Variants in ACAD10 observed in about 807,000 individuals in gnomAD.
ACAD10 encodes the protein acyl-CoA dehydrogenase family member 10.
ACAD10 carries 112 observed loss-of-function variants against 116.8 expected under a neutral mutation model. The ratio of observed to expected loss-of-function variants is 0.96; its 90% CI spans 0.82 to 1.12. The LOEUF is 1.12. Among genes scored for constraint, ACAD10 ranks in the 50% most tolerant of loss-of-function variants. The pLI is 0.00. For synonymous variants in ACAD10, 486 were observed against 510.6 expected, an observed-to-expected ratio of 0.95 and a Z score of 0.65; for missense variants, 1,259 against 1,350.2, an observed-to-expected ratio of 0.93 and a Z score of 1.06.
intron 9 of ACAD10, among the ~76,000 whole-genome samples, chr12:111,728,603 G>C (rs866164314): frequency 7.2e-5 from 11 of 152,150 alleles, no homozygotes; most frequent in Middle Eastern, 6.8e-3. Flanking sequence ...AAACTTCTGG[G>C]CTCAAGCCAT....
intron 10 of ACAD10, among the ~76,000 whole-genome samples, chr12:111,733,255 G>A (rs879666257): frequency 6.6e-6 from 1 of 152,076 alleles, no homozygotes; most frequent in Non-Finnish European, 1.5e-5. Context: ...GCACTACCAC[G>A]CTCAGCTAAT....
chr12:111,756,372 G>C lies in ACAD10; in HGVS notation c.3079G>C (p.Ala1027Pro). 1 of 1,611,342 alleles carries C rather than the reference G, an allele frequency of 6.2e-7. No homozygotes were observed. Among genetic ancestry groups the C allele is most frequent in the South Asian group, 1.1e-5 (1 of 90,748 alleles). ...AAGLSSDYPL[A>P]QFFTWARALR... ...AGGCCTGAGCAGCGACTACCCACTG[G>C]CTCAGTTCTTCACCTGGGCCCGAGC... Residue 1027 changes from alanine (A) to proline (P), a missense_variant, in exon 21 of 21, where the codon GCT (alanine) becomes CCT (proline). Ala to Pro is a conservative substitution (Grantham distance 27). Transcript: ENST00000313698.
Position 111,756,341 on chromosome 12 carries a change from A to T in ACAD10, c.3048A>T (p.Gly1016=). ...CACTCTGTGTCTGCCAGGCCTTTGG[A>T]GCAGCAGGCCTGAGCAGCGACTACC... The part of the protein sequence containing the change: ...RVIDRAIQAF[G]AAGLSSDYPL... The change falls in exon 21 of 21, where the codon GGA becomes GGT. Residue 1016 remains glycine (G), a synonymous_variant. Coordinates refer to ENST00000313698, the MANE Select transcript of ACAD10 (RefSeq NM_025247.6). The T allele has an allele frequency of 1.2e-6, 2 of 1,601,372 alleles. No homozygotes were observed. Among genetic ancestry groups the T allele is most frequent in the South Asian group, 1.1e-5 (1 of 90,056 alleles).
chr12:111,720,461 G>A (rs1018920403), intron 7 of ACAD10, among the ~76,000 whole-genome samples: 9 of 151,808 alleles, frequency 5.9e-5, no homozygotes, highest in Non-Finnish European at 8.8e-5. Context: ...GATATATTTC[G>A]AAGCTCTGTT....
intron 12 of ACAD10, among the ~76,000 whole-genome samples, chr12:111,738,821 A>C (rs1889649017): frequency 6.6e-6 from 1 of 152,152 alleles, no homozygotes; most frequent in East Asian, 1.9e-4. Context: ...CAGTGAGCTG[A>C]GATCGCGCCT....
chr12:111,707,334 G>A (rs774079941), intron 4 of ACAD10, among the ~76,000 whole-genome samples: 10 of 151,170 alleles, frequency 6.6e-5, no homozygotes, highest in Non-Finnish European at 1.3e-4. Flanking sequence ...GACCTCAAGT[G>A]ACCAACCCAC....
chr12:111,712,486 C>G lies in ACAD10; in HGVS notation c.691-12C>G, dbSNP rs779817227. 6.2e-7 allele frequency: 1 copy of G among 1,609,102 alleles called. No homozygotes were observed. Among genetic ancestry groups the G allele is most frequent in the Non-Finnish European group, 8.5e-7 (1 of 1,177,948 alleles). On this transcript the variant is annotated splice_polypyrimidine_tract_variant and intron_variant, in intron 5 of 20. Coordinates refer to ENST00000313698, the MANE Select transcript of ACAD10 (RefSeq NM_025247.6). ...CAAAAAATATACATCTACATATTCT[C>G]TCTGAAACCAGGTTAATGACCCAGA...
chr12:111,691,227 C>A (rs772627418), intron 1 of ACAD10: 1 of 151,622 alleles, frequency 6.6e-6, no homozygotes, highest in East Asian at 1.9e-4. Flanking sequence ...TTTTTTTTTC[C>A]TGAACCTTTT....
chr12:111,695,927 C>A (rs756537718), intron 2 of ACAD10, among the ~76,000 whole-genome samples: 1 of 151,364 alleles, frequency 6.6e-6, no homozygotes, highest in Non-Finnish European at 1.5e-5. Context: ...GCAGGGAGAA[C>A]CACTTGAACC....
At chr12:111,707,109 A>G (rs959201278) in intron 4 of ACAD10, among the ~76,000 whole-genome samples, 1 of 128,400 alleles carries the variant, frequency 7.8e-6, no homozygotes, top group African/African-American at 3.0e-5. Flanking sequence ...TTTTTCCTTG[A>G]GAGAAGGTCT....
chr12:111,752,095 C>T (rs1460349679), intron 18 of ACAD10, among the ~76,000 whole-genome samples: 1 of 147,700 alleles, frequency 6.8e-6, no homozygotes, highest in Non-Finnish European at 1.5e-5. Context: ...TGTGGTGGCA[C>T]ACATTTATAG....
chr12:111,721,727 G>A lies in ACAD10; in HGVS notation c.1049G>A (p.Cys350Tyr). The change falls in exon 8 of 21, where the codon TGT becomes TAT. Residue 350 changes from cysteine to tyrosine, a missense_variant. Coordinates refer to ENST00000313698, the MANE Select transcript of ACAD10 (RefSeq NM_025247.6). ...CCTGTCCCTAACGTTCTTGATCTCT[G>A]TGAAGATTCAAGGTAAAGTTCAGAT... ...GVPVPNVLDL[C>Y]EDSSVIGTPF... 1 of 1,597,320 alleles carries A rather than the reference G, an allele frequency of 6.3e-7. No homozygotes were observed. Among genetic ancestry groups the A allele is most frequent in the Non-Finnish European group, 8.6e-7 (1 of 1,167,526 alleles).
In ACAD10 at chr12:111,692,872, C is replaced by G; in HGVS notation, c.163C>G (p.Pro55Ala). ...VIFDMGGVLI[P>A]SPGRVAAEWE... Reference sequence around the variant, plus strand: ...TTTCGACATGGGCGGAGTTCTCATTCCTTCTCCAGGGAGAGTCGCTGCAGG... The same window carrying G: ...TTTCGACATGGGCGGAGTTCTCATTGCTTCTCCAGGGAGAGTCGCTGCAGG... The change falls in exon 2 of 21, where the codon CCT (proline) becomes GCT (alanine). Residue 55 changes from proline (P) to alanine (A), a missense_variant. Pro to Ala is a conservative substitution (Grantham distance 27). Transcript: ENST00000313698. The G allele has an allele frequency of 2.5e-6, 4 of 1,614,136 alleles. No individual in the cohort carries two copies. The highest frequency in any genetic ancestry group is 3.4e-6 in the Non-Finnish European group (4 of 1,180,000).
chr12:111,705,759 G>A lies in ACAD10; in HGVS notation c.358G>A (p.Asp120Asn). The change falls in exon 4 of 21, where the codon GAC (aspartate) becomes AAC (asparagine). Residue 120 changes from aspartate to asparagine, a missense_variant. Transcript: ENST00000313698. ...TTAGTTAAAGACCTCCGTGCCTGTG[G>A]ACTCATTTTTCTCTCTGTTGACCAG... is the stretch of plus-strand genomic sequence containing the variant. ...SEMLKTSVPV[D>N]SFFSLLTSER... The A allele has an allele frequency of 6.2e-7, 1 of 1,614,082 alleles. No individual in the cohort carries two copies. Among genetic ancestry groups the A allele is most frequent in the Non-Finnish European group, 8.5e-7 (1 of 1,180,016 alleles).
chr12:111,695,984 A>G (rs1183365361), intron 2 of ACAD10, among the ~76,000 whole-genome samples: 1 of 150,124 alleles, frequency 6.7e-6, no homozygotes, highest in Non-Finnish European at 1.5e-5. Context: ...ATTGCGCTGC[A>G]GCTTGGGAGA....
At position 111,686,169 on chromosome 12, in the gene ACAD10, A is replaced by T. The variant is rs1055408388; in HGVS notation, c.-84A>T. On this transcript the variant is annotated 5_prime_UTR_variant, in exon 1 of 21. Transcript: ENST00000313698. ...CAGGTTTTCGCACAGTCGCGAGTTA[A>T]CCTCTGCTTGCTCCAGAGGCCTCGT... is the stretch of plus-strand genomic sequence containing the variant. The T allele has an allele frequency of 6.4e-6, 1 of 155,630 alleles. No homozygotes were observed. Among genetic ancestry groups the T allele is most frequent in the African/African-American group, 2.4e-5 (1 of 41,540 alleles). The allele number at this position is 155,630 out of a possible 1,614,324, so 9.6% of individuals were successfully genotyped here.
intron 10 of ACAD10, among the ~76,000 whole-genome samples, chr12:111,732,086 A>C (rs984898605): frequency 1.5e-4 from 23 of 152,174 alleles, no homozygotes; most frequent in Non-Finnish European, 3.2e-4. Context: ...ATCTCAAAAA[A>C]CAACAAAAAA....
chr12:111,691,750 A>G (rs1888050408), intron 1 of ACAD10, among the ~76,000 whole-genome samples: 1 of 150,816 alleles, frequency 6.6e-6, no homozygotes. Flanking sequence ...ACCCAACACC[A>G]TGCCCAGGTT....
intron 16 of ACAD10, chr12:111,747,618 G>C: frequency 7.4e-7 from 1 of 1,351,664 alleles, no homozygotes; most frequent in Non-Finnish European, 9.6e-7. Context: ...CCCACACATG[G>C]ACGGATGCCT....
Sources: allele counts gnomAD v4.1 joint callset (sites outside exome capture counted in the v4.1 genomes callset), GRCh38; gene constraint gnomAD v4.1.1; transcripts MANE v1.5; gene names NCBI Gene and HGNC (gene_info 2026-07-23, HGNC 2026-07-21).